ELF2: variants seen among roughly 807,000 people sequenced by gnomAD.
ELF2 encodes ETS-related transcription factor Elf-2.
In ELF2, 11 loss-of-function variants were observed where a neutral mutation model predicts 54.8. The ratio of observed to expected loss-of-function variants is 0.20; its 90% CI spans 0.13 to 0.33. ELF2 has a LOEUF of 0.33. Among genes scored for constraint, ELF2 ranks in the 10% least tolerant of loss-of-function variants. The pLI, the probability that ELF2 is intolerant of heterozygous loss-of-function variation, is 1.00. For missense variants in ELF2, 513 were observed against 703.0 expected, an observed-to-expected ratio of 0.73 and a Z score of 3.06; for synonymous variants, 203 against 245.1, an observed-to-expected ratio of 0.83 and a Z score of 1.61.
chr4:139,064,608 G>A (rs536330274), intron 7 of ELF2, among the ~76,000 whole-genome samples: 1 of 152,272 alleles, frequency 6.6e-6, no homozygotes, highest in East Asian at 1.9e-4. Flanking sequence ...GGCCGGGCGT[G>A]TTGGCTCATG....
intron 3 of ELF2, among the ~76,000 whole-genome samples, chr4:139,132,652 A>C (rs1480225349): frequency 6.6e-6 from 1 of 151,890 alleles, no homozygotes; most frequent in Non-Finnish European, 1.5e-5. Flanking sequence ...TCTATTGTAG[A>C]TATGTCAATT....
At position 139,154,743 on chromosome 4, in the gene ELF2, CTGCTAACCT is replaced by C. The variant is rs1282871451; in HGVS notation, c.-251-15255_-251-15247del. Among the ~76,000 whole-genome samples, 12 of 53,062 alleles carry C rather than the reference CTGCTAACCT, an allele frequency of 2.3e-4. 1 individual carries two copies. The South Asian group carries it at 1.0e-2, about 44-fold the overall frequency. The allele number at this position is 53,062 out of a possible 152,430, so 34.8% of individuals were successfully genotyped here. On this transcript the variant is annotated intron_variant, in intron 1 of 9. Transcript: ENST00000686138. Reference sequence around the variant, plus strand: ...GACAAAAGAGTTCTAAGTCATCCCTCTGCTAACCTGACACCAATGCACATGTGACTTTTC... The same window carrying C: ...GACAAAAGAGTTCTAAGTCATCCCTCGACACCAATGCACATGTGACTTTTC...
rs563660517 is a variant in ELF2, at chr4:139,080,735, G to A, written c.239-7168C>T. On this transcript the variant is annotated intron_variant, in intron 4 of 9. Coordinates refer to ENST00000686138, the MANE Select transcript of ELF2 (RefSeq NM_001331036.3). Reference sequence around the variant, plus strand: ...ACATAAATATTAGGAAAGTAACAATGCTAGACATTTGTTTTTCCTATATTA... The same window carrying A: ...ACATAAATATTAGGAAAGTAACAATACTAGACATTTGTTTTTCCTATATTA... Among the ~76,000 whole-genome samples, 12 of 152,136 alleles carry A rather than the reference G, an allele frequency of 7.9e-5. 1 individual carries two copies. In the East Asian group the frequency reaches 2.1e-3, roughly 27 times the overall value.
At chr4:139,089,182 A>C (rs1732325504) in intron 4 of ELF2, among the ~76,000 whole-genome samples, 1 of 152,256 alleles carries the variant, frequency 6.6e-6, no homozygotes, top group African/African-American at 2.4e-5. Flanking sequence ...TGAATAACCA[A>C]CTGATACCTA....
chr4:139,147,102 C>A (rs1266422415), intron 1 of ELF2, among the ~76,000 whole-genome samples: 2 of 152,118 alleles, frequency 1.3e-5, no homozygotes, highest in Non-Finnish European at 2.9e-5. Flanking sequence ...AAAGAGACAA[C>A]CCACAGAATG....
intron 1 of ELF2, among the ~76,000 whole-genome samples, chr4:139,165,131 T>A (rs1324093041): frequency 1.3e-5 from 2 of 152,200 alleles, no homozygotes; most frequent in Non-Finnish European, 2.9e-5. Flanking sequence ...TATTTCATGC[T>A]GTCTTTATTA....
At chr4:139,073,991 G>C (rs1244842203) in intron 4 of ELF2, among the ~76,000 whole-genome samples, 4 of 152,164 alleles carry the variant, frequency 2.6e-5, no homozygotes, top group Admixed American at 2.6e-4. Flanking sequence ...AGCTGAGCGT[G>C]GTGGCACATG....
In ELF2 at chr4:139,169,580, G is replaced by A. The variant is rs138743230; in HGVS notation, c.-252+7387C>T. ...TTTCCTTTAAAAATCTGTCTTGGCCGGGCGCGGTGGCTCATGCCTGTAATC... is the reference window on the plus strand; with the variant it reads ...TTTCCTTTAAAAATCTGTCTTGGCCAGGCGCGGTGGCTCATGCCTGTAATC... On this transcript the variant is annotated intron_variant, in intron 1 of 9. Transcript: ENST00000686138. 9.4e-4 allele frequency among the ~76,000 whole-genome samples: 143 copies of A among 152,104 alleles called. 1 individual carries two copies. The Middle Eastern group carries it at 0.01, about 11-fold the overall frequency.
chr4:139,089,847 CA>C (rs961208153), intron 4 of ELF2, among the ~76,000 whole-genome samples: 1 of 151,776 alleles, frequency 6.6e-6, no homozygotes. Flanking sequence ...AATATTTCTG[CA>C]AAAAAAATTA....
Position 139,115,158 on chromosome 4 carries a change from C to G in ELF2, c.238+10006G>C. On this transcript the variant is annotated intron_variant, in intron 4 of 9. Transcript: ENST00000686138. ...GCGTGAGCTGCTCCAGGATCCACTC[C>G]TCTAGGTTGAGGCGCTTCCGTAGCT... 12 of 1,613,082 alleles carry G rather than the reference C, an allele frequency of 7.4e-6. No individual in the cohort carries two copies. The South Asian group carries it at 1.2e-4, about 16-fold the overall frequency.
chr4:139,142,076 A>C (rs1484155607), intron 1 of ELF2, among the ~76,000 whole-genome samples: 1 of 152,194 alleles, frequency 6.6e-6, no homozygotes, highest in African/African-American at 2.4e-5. Context: ...GTTTTTATGG[A>C]TCTTACACTG....
chr4:139,129,169 C>T (rs1737245075), intron 3 of ELF2, among the ~76,000 whole-genome samples: 1 of 152,040 alleles, frequency 6.6e-6, no homozygotes. Context: ...AACTCCTGAC[C>T]TCAGGTGATC....
chr4:139,152,389 C>G (rs1331833815), intron 1 of ELF2, among the ~76,000 whole-genome samples: 1 of 151,644 alleles, frequency 6.6e-6, no homozygotes. Context: ...GGCTGGAATG[C>G]AATGGCTCAA....
intron 1 of ELF2, among the ~76,000 whole-genome samples, chr4:139,140,667 C>T (rs112175392): frequency 0.027 from 4,051 of 151,838 alleles, 95 homozygotes; most frequent in African/African-American, 0.064. Flanking sequence ...GGTGGGAGGA[C>T]CGCTTGAGCC....
chr4:139,141,797 T>C (rs562719050), intron 1 of ELF2, among the ~76,000 whole-genome samples: 137 of 152,262 alleles, frequency 9.0e-4, no homozygotes, highest in Non-Finnish European at 1.2e-3. Context: ...CTAGTCCTTT[T>C]CTCTTCAGAT....
In ELF2 at chr4:139,073,539, T is replaced by G; in HGVS notation, c.267A>C (p.Ala89=). Residue 89 remains alanine, a synonymous_variant, in exon 5 of 10, where the codon GCA becomes GCC. Coordinates refer to ENST00000686138, the MANE Select transcript of ELF2 (RefSeq NM_001331036.3). ...CTTCAATTGTCTTATCTGTACAGTG[T>G]GCATTACTGCTGTGAACTGATGCTT... is the stretch of plus-strand genomic sequence containing the variant. The part of the protein sequence containing the change: ...TVEASVHSSN[A]HCTDKTIEAA... The G allele has an allele frequency of 1.3e-6, 2 of 1,594,430 alleles. No individual in the cohort carries two copies. Among genetic ancestry groups the G allele is most frequent in the Non-Finnish European group, 8.6e-7 (1 of 1,167,558 alleles).
intron 6 of ELF2, among the ~76,000 whole-genome samples, chr4:139,069,235 A>T (rs1010696081): frequency 6.6e-6 from 1 of 152,126 alleles, no homozygotes; most frequent in Non-Finnish European, 1.5e-5. Context: ...TTCTGATGTC[A>T]CTCTATTCTT....
upstream of ELF2, among the ~76,000 whole-genome samples, chr4:139,177,522 C>T: frequency 6.6e-6 from 1 of 151,990 alleles, no homozygotes; most frequent in Non-Finnish European, 1.5e-5. Flanking sequence ...TCTCCTCGCC[C>T]AACTTCTCCC....
At chr4:139,176,688 CCGCGCCCCG>C (rs1310255391) in intron 1 of ELF2, among the ~76,000 whole-genome samples, 2 of 152,130 alleles carry the variant, frequency 1.3e-5, no homozygotes, top group South Asian at 4.1e-4. Flanking sequence ...CAGCCCTGCC[CCGCGCCCCG>C]CGCTCCCCGC....
Sources: allele counts gnomAD v4.1 joint callset (sites outside exome capture counted in the v4.1 genomes callset), GRCh38; gene constraint gnomAD v4.1.1; transcripts MANE v1.5; gene names NCBI Gene and HGNC (gene_info 2026-07-23, HGNC 2026-07-21).